The following AGBL4 variants were observed in gnomAD, a reference collection of about 807,000 sequenced individuals.
AGBL4 encodes the protein cytosolic carboxypeptidase 6.
Under a neutral mutation model 66.4 loss-of-function variants are expected in AGBL4, and 58 were observed. The observed-to-expected ratio is 0.87, with a 90% confidence interval of 0.71 to 1.09. AGBL4 has a LOEUF of 1.09. AGBL4 is among the 50% of genes least tolerant of loss of function. The pLI, the probability that AGBL4 is intolerant of heterozygous loss-of-function variation, is 0.00. For synonymous variants in AGBL4, 234 were observed against 222.9 expected (o/e 1.05, Z -0.44); for missense variants, 579 against 631.0 (o/e 0.92, Z 0.88).
At chr1:49,998,204 AAAG>A (rs1312298425) in intron 1 of AGBL4, among the ~76,000 whole-genome samples, 2 of 152,102 alleles carry the variant, frequency 1.3e-5, no homozygotes, top group African/African-American at 4.8e-5. Context: ...TTAACCAAGA[AAAG>A]AAGAGAGAAG....
chr1:49,323,599 T>C (rs938567752), intron 3 of AGBL4, among the ~76,000 whole-genome samples: 1 of 151,960 alleles, frequency 6.6e-6, no homozygotes, highest in African/African-American at 2.4e-5. Flanking sequence ...TAAGTCTTCA[T>C]GACTTTTCTC....
At chr1:49,932,930 C>T (rs545221311) in intron 1 of AGBL4, among the ~76,000 whole-genome samples, 21 of 152,086 alleles carry the variant, frequency 1.4e-4, no homozygotes, top group African/African-American at 3.6e-4. Flanking sequence ...GAAACACAGG[C>T]GGGAAAACCT....
chr1:49,312,128 C>T (rs1644952020), intron 3 of AGBL4, among the ~76,000 whole-genome samples: 1 of 152,096 alleles, frequency 6.6e-6, no homozygotes, highest in Non-Finnish European at 1.5e-5. Context: ...CTTACAGAAA[C>T]TTAATCCCCA....
chr1:48,607,659 C>A (rs1645173662), intron 9 of AGBL4, among the ~76,000 whole-genome samples: 1 of 152,030 alleles, frequency 6.6e-6, no homozygotes, highest in Admixed American at 6.6e-5. Flanking sequence ...TGAACGGCAC[C>A]ATTCTAGTAT....
intron 6 of AGBL4, among the ~76,000 whole-genome samples, chr1:48,733,024 G>A (rs1648403681): frequency 6.6e-6 from 1 of 152,146 alleles, no homozygotes; most frequent in Non-Finnish European, 1.5e-5. Context: ...TGGGGACCTT[G>A]GTGAAAACAC....
intron 4 of AGBL4, among the ~76,000 whole-genome samples, chr1:49,075,947 CAAGAAAGA>C (rs1286844730): frequency 6.6e-6 from 1 of 151,974 alleles, no homozygotes; most frequent in East Asian, 1.9e-4. Context: ...GGGTAGGTAC[CAAGAAAGA>C]ACATCTAGAT....
chr1:48,723,448 T>A (rs1480269709), intron 6 of AGBL4, among the ~76,000 whole-genome samples: 1 of 152,162 alleles, frequency 6.6e-6, no homozygotes, highest in African/African-American at 2.4e-5. Flanking sequence ...TTAGATTCCA[T>A]GAGCCTATGA....
chr1:49,083,353 A>G (rs1644841034), intron 4 of AGBL4, among the ~76,000 whole-genome samples: 1 of 152,226 alleles, frequency 6.6e-6, no homozygotes, highest in African/African-American at 2.4e-5. Flanking sequence ...TTGCCTGGAC[A>G]TCCAGGCATT....
chr1:48,912,070 C>G (rs917996048), intron 5 of AGBL4, among the ~76,000 whole-genome samples: 2 of 152,168 alleles, frequency 1.3e-5, no homozygotes, highest in African/African-American at 4.8e-5. Flanking sequence ...AGAGCATATA[C>G]TGAGCATCTG....
At chr1:49,174,778 C>T (rs1459966948) in intron 4 of AGBL4, 1 of 151,884 alleles carries the variant, frequency 6.6e-6, no homozygotes, top group Non-Finnish European at 1.5e-5. Context: ...TATCTTTAAT[C>T]TCTATCTGCT....
intron 3 of AGBL4, among the ~76,000 whole-genome samples, chr1:49,664,813 A>G (rs554144271): frequency 1.1e-4 from 17 of 152,146 alleles, no homozygotes; most frequent in Non-Finnish European, 2.2e-4. Context: ...TGATGCCAAT[A>G]TAATACAAAC....
intron 3 of AGBL4, among the ~76,000 whole-genome samples, chr1:49,480,293 C>A (rs964785598): frequency 5.9e-5 from 9 of 151,928 alleles, no homozygotes; most frequent in African/African-American, 1.4e-4. Flanking sequence ...ACTTGGCCAG[C>A]AACTGTTATT....
chr1:49,673,974 G>A (rs769907956), intron 3 of AGBL4, among the ~76,000 whole-genome samples: 7 of 151,936 alleles, frequency 4.6e-5, no homozygotes, highest in Non-Finnish European at 7.4e-5. Flanking sequence ...ACTGAAGATC[G>A]CCTGAATGAC....
intron 6 of AGBL4, among the ~76,000 whole-genome samples, chr1:48,675,437 C>T (rs560324678): frequency 1.8e-4 from 28 of 152,180 alleles, no homozygotes; most frequent in Middle Eastern, 3.4e-3. Flanking sequence ...TCAAAATGTC[C>T]GCATATCAAA....
chr1:49,503,820 G>C (rs1648425921), intron 3 of AGBL4, among the ~76,000 whole-genome samples: 1 of 152,024 alleles, frequency 6.6e-6, no homozygotes, highest in Non-Finnish European at 1.5e-5. Context: ...TACCTAATTT[G>C]CTTTTGGTGG....
chr1:49,082,137 A>G (rs1211398017), intron 4 of AGBL4, among the ~76,000 whole-genome samples: 1 of 152,234 alleles, frequency 6.6e-6, no homozygotes, highest in Non-Finnish European at 1.5e-5. Context: ...TAATGGAACT[A>G]TCCACTATAT....
chr1:49,955,466 C>G (rs1423644348), intron 1 of AGBL4, among the ~76,000 whole-genome samples: 2 of 151,860 alleles, frequency 1.3e-5, no homozygotes, highest in African/African-American at 4.8e-5. Flanking sequence ...ACAAATATGC[C>G]TAGATAATTG....
chr1:49,413,929 G>A (rs1228894008), intron 3 of AGBL4, among the ~76,000 whole-genome samples: 3 of 151,936 alleles, frequency 2.0e-5, no homozygotes, highest in African/African-American at 4.8e-5. Flanking sequence ...ACTAATACTC[G>A]GCCTAGTTCA....
intron 1 of AGBL4, among the ~76,000 whole-genome samples, chr1:49,948,576 TATATATAGAG>T (rs1307380230): frequency 3.8e-4 from 48 of 124,976 alleles, no homozygotes; most frequent in African/African-American, 1.4e-3. Flanking sequence ...TATATATATA[TATATATAGAG>T]AGAGAGAGAG....
Sources: gnomAD v4.1 joint callset for allele counts (sites outside exome capture counted in the v4.1 genomes callset) on GRCh38, gnomAD v4.1.1 for gene constraint, MANE v1.5 for transcripts, NCBI Gene and HGNC (gene_info 2026-07-23, HGNC 2026-07-21) for gene names.